Variants in CDK6 observed in about 807,000 individuals in gnomAD.
CDK6 encodes cyclin dependent kinase 6, also known as cyclin-dependent kinase 6.
CDK6 carries 6 observed loss-of-function variants against 37.1 expected under a neutral mutation model. The observed-to-expected ratio is 0.16, with a 90% CI of 0.09 to 0.32. The LOEUF (loss-of-function observed/expected upper bound fraction) is 0.32, where lower values mean the gene tolerates loss of function less well. Ranked by LOEUF, CDK6 falls within the 10% of genes least tolerant of loss-of-function variation. The pLI is 1.00. For synonymous variants in CDK6, 160 were observed against 161.3 expected, an observed-to-expected ratio of 0.99 and a Z score of 0.06; for missense variants, 224 against 418.9, an observed-to-expected ratio of 0.53 and a Z score of 4.06.
chr7:92,609,242 C>A lies in CDK6; in HGVS notation c.*5898G>T, dbSNP rs1455565007. 1 of 232,624 alleles carries A rather than the reference C, an allele frequency of 4.3e-6. No homozygotes were observed. The highest frequency in any genetic ancestry group is 1.8e-4 in the South Asian group (1 of 5,516). The allele number at this position is 232,624 out of a possible 1,614,324, so 14.4% of individuals were successfully genotyped here. A position where few individuals can be genotyped will look rare whatever the true frequency, so the allele number is the denominator to read the frequency against. On this transcript the variant is annotated 3_prime_UTR_variant, in exon 8 of 8. Coordinates refer to ENST00000424848, the MANE Select transcript of CDK6 (RefSeq NM_001145306.2). Reference sequence around the variant, plus strand: ...AGGAAACTGAAAAATACTGCAATATCCTTCCCTACTAAATTTCAAGTGACA... The same window carrying A: ...AGGAAACTGAAAAATACTGCAATATACTTCCCTACTAAATTTCAAGTGACA...
At chr7:92,766,060 G>C (rs1362135876) in intron 3 of CDK6, among the ~76,000 whole-genome samples, 2 of 152,120 alleles carry the variant, frequency 1.3e-5, no homozygotes, top group African/African-American at 4.8e-5. Flanking sequence ...AAGGCAGGGG[G>C]TGGGGAGCAC....
Position 92,684,214 on chromosome 7 carries a change from T to C in CDK6, c.538-12679A>G, listed in dbSNP as rs553528332. ...AACCAGGATCTGAAGCAGGTCTTAT[T>C]GAACTCAGGTTCATTCTCCTCACTG... On this transcript the variant is annotated intron_variant, in intron 4 of 7. Transcript: ENST00000424848. Among the ~76,000 whole-genome samples the C allele has an allele frequency of 1.5e-3, 228 of 152,342 alleles. 1 individual carries two copies. Among genetic ancestry groups the C allele is most frequent in the African/African-American group, 5.0e-3 (209 of 41,576 alleles).
chr7:92,764,194 A>G (rs1047819741), intron 3 of CDK6, among the ~76,000 whole-genome samples: 2 of 149,730 alleles, frequency 1.3e-5, no homozygotes, highest in Admixed American at 1.3e-4. Flanking sequence ...GCTGCTGTGC[A>G]GGGGTGTGAT....
chr7:92,679,289 CT>C (rs1442192014), intron 4 of CDK6, among the ~76,000 whole-genome samples: 1 of 152,040 alleles, frequency 6.6e-6, no homozygotes, highest in Non-Finnish European at 1.5e-5. Context: ...ATAAGGTGTC[CT>C]CTGTTAACAT....
chr7:92,677,114 T>A (rs1262022410), intron 4 of CDK6, among the ~76,000 whole-genome samples: 1 of 152,224 alleles, frequency 6.6e-6, no homozygotes, highest in Admixed American at 6.5e-5. Flanking sequence ...TCTGTGTAAA[T>A]CATTGTAACC....
At chr7:92,698,701 G>A (rs780099310) in intron 4 of CDK6, among the ~76,000 whole-genome samples, 18 of 152,126 alleles carry the variant, frequency 1.2e-4, no homozygotes, top group Non-Finnish European at 2.1e-4. Flanking sequence ...TCATCTGGAC[G>A]GTCTGTGCAC....
At chr7:92,688,708 T>C (rs900803071) in intron 4 of CDK6, among the ~76,000 whole-genome samples, 6 of 152,022 alleles carry the variant, frequency 3.9e-5, no homozygotes, top group Admixed American at 3.3e-4. Context: ...ACATTAATAA[T>C]GTAAACATTT....
At chr7:92,619,750 A>G (rs1183132500) in intron 6 of CDK6, among the ~76,000 whole-genome samples, 1 of 151,938 alleles carries the variant, frequency 6.6e-6, no homozygotes, top group Non-Finnish European at 1.5e-5. Context: ...TTCGGCCTCT[A>G]TCAGGCATAC....
chr7:92,677,233 A>C (rs1797225419), intron 4 of CDK6, among the ~76,000 whole-genome samples: 1 of 152,246 alleles, frequency 6.6e-6, no homozygotes. Context: ...ATTCAATTCC[A>C]AAAGAAAGTA....
intron 2 of CDK6, among the ~76,000 whole-genome samples, chr7:92,775,778 A>G (rs971779647): frequency 6.6e-6 from 1 of 152,164 alleles, no homozygotes; most frequent in Admixed American, 6.5e-5. Context: ...AGCTAATAAA[A>G]TACTATTCAT....
At chr7:92,626,772 T>C (rs2116502467) in intron 5 of CDK6, among the ~76,000 whole-genome samples, 1 of 152,114 alleles carries the variant, frequency 6.6e-6, no homozygotes, top group South Asian at 2.1e-4. Flanking sequence ...AGGAGAAGCA[T>C]GATTTTAAGT....
intron 3 of CDK6, among the ~76,000 whole-genome samples, chr7:92,756,037 T>C (rs1799310960): frequency 6.6e-6 from 1 of 152,110 alleles, no homozygotes; most frequent in African/African-American, 2.4e-5. Flanking sequence ...CAAAGTCCAC[T>C]TTCTCCCTTT....
At chr7:92,786,210 G>A (rs962106730) in intron 2 of CDK6, among the ~76,000 whole-genome samples, 1 of 152,112 alleles carries the variant, frequency 6.6e-6, no homozygotes, top group African/African-American at 2.4e-5. Flanking sequence ...CTAGGCAGCC[G>A]CCTGTAATGA....
intron 5 of CDK6, among the ~76,000 whole-genome samples, chr7:92,640,229 T>C (rs916565903): frequency 6.6e-6 from 1 of 152,174 alleles, no homozygotes; most frequent in African/African-American, 2.4e-5. Context: ...TGGTGTTAAG[T>C]GTGCTAAGTA....
chr7:92,759,697 CAAAAAAA>C (rs61188860), intron 3 of CDK6, among the ~76,000 whole-genome samples: 144 of 74,138 alleles, frequency 1.9e-3, no homozygotes, highest in African/African-American at 2.8e-3. Context: ...GACTTTAAGG[CAAAAAAA>C]AAAAAAAAAA....
Position 92,733,573 on chromosome 7 carries a change from T to G in CDK6, c.370-7780A>C, listed in dbSNP as rs551639126. Reference sequence around the variant, plus strand: ...CATGTAGATCTATTGGCAATGTAGATCTACAGCTTAATTTTTAATGGTTCT... The same window carrying G: ...CATGTAGATCTATTGGCAATGTAGAGCTACAGCTTAATTTTTAATGGTTCT... On this transcript the variant is annotated intron_variant, in intron 3 of 7. Transcript: ENST00000424848. Among the ~76,000 whole-genome samples the G allele has an allele frequency of 3.1e-4, 47 of 152,346 alleles. No individual in the cohort carries two copies. The South Asian group carries it at 8.7e-3, about 28-fold the overall frequency.
chr7:92,671,808 T>A (rs945352519), intron 4 of CDK6, among the ~76,000 whole-genome samples: 45 of 151,896 alleles, frequency 3.0e-4, no homozygotes, highest in African/African-American at 1.0e-3. Context: ...ACCAAAAAAA[T>A]TTTTTTTAAA....
rs371843871 is a variant in CDK6, at chr7:92,804,609, A to C, written c.233+28482T>G. ...TTGTTAATGCTAGATGGTTGGACTT[A>C]TGTGTTTTTTCCAATTTATGCTGCA... On this transcript the variant is annotated intron_variant, in intron 2 of 7. Coordinates refer to ENST00000424848, the MANE Select transcript of CDK6 (RefSeq NM_001145306.2). 7.8e-4 allele frequency among the ~76,000 whole-genome samples: 119 copies of C among 152,274 alleles called. 1 individual carries two copies. In the South Asian group the frequency reaches 0.013, roughly 16 times the overall value.
intron 5 of CDK6, among the ~76,000 whole-genome samples, chr7:92,647,303 A>G (rs562967768): frequency 8.5e-5 from 13 of 152,330 alleles, no homozygotes; most frequent in Admixed American, 5.2e-4. Flanking sequence ...GCTATGAAGG[A>G]AAAAAGTCAA....
Sources: allele counts gnomAD v4.1 joint callset (sites outside exome capture counted in the v4.1 genomes callset), GRCh38; gene constraint gnomAD v4.1.1; transcripts MANE v1.5; gene names NCBI Gene and HGNC (gene_info 2026-07-23, HGNC 2026-07-21).